The following SHISA9 variants were observed in gnomAD, a reference collection of about 807,000 sequenced individuals.
SHISA9 encodes protein shisa-9.
In SHISA9, 13 loss-of-function variants were observed where a neutral mutation model predicts 38.0. The ratio of observed to expected loss-of-function variants is 0.34; its 90% confidence interval spans 0.22 to 0.54. The LOEUF is 0.54. Ranked by LOEUF, SHISA9 falls within the 20% of genes least tolerant of loss-of-function variation. The probability of loss-of-function intolerance (pLI) is 0.91; values close to 1 mark genes in which losing one functional copy is unlikely to be tolerated. For missense variants in SHISA9, 538 were observed against 575.8 expected, an observed-to-expected ratio of 0.93 and a Z score of 0.67; for synonymous variants, 275 against 242.0, an observed-to-expected ratio of 1.14 and a Z score of -1.27.
At chr16:13,271,806 G>T in the SHISA9 span, among the ~76,000 whole-genome samples, 1 of 152,088 alleles carries the variant, frequency 6.6e-6, no homozygotes, top group Non-Finnish European at 1.5e-5. Context: ...TCTAGGCTGG[G>T]TGTGGTGGCT....
At chr16:13,232,680 A>G (rs1163437080) in intron 4 of SHISA9, among the ~76,000 whole-genome samples, 1 of 152,194 alleles carries the variant, frequency 6.6e-6, no homozygotes, top group Admixed American at 6.5e-5. Context: ...GAAAAATGGG[A>G]CAATTCGAAG....
chr16:13,080,670 T>C (rs767955115), intron 2 of SHISA9, among the ~76,000 whole-genome samples: 1 of 152,230 alleles, frequency 6.6e-6, no homozygotes, highest in African/African-American at 2.4e-5. Context: ...TTTACCAGAA[T>C]TCCTAGTGAA....
chr16:13,084,473 A>C (rs2073688799), intron 2 of SHISA9, among the ~76,000 whole-genome samples: 3 of 152,176 alleles, frequency 2.0e-5, no homozygotes, highest in Admixed American at 2.0e-4. Context: ...TTAGAGTGAG[A>C]ATGACAGACA....
intron 2 of SHISA9, among the ~76,000 whole-genome samples, chr16:13,187,328 C>CTTTTTTTTTTTTTTTTTTTTTTTTTTTT (rs372286181): frequency 1.1e-5 from 1 of 90,684 alleles, no homozygotes; most frequent in Non-Finnish European, 2.2e-5. Flanking sequence ...CTTTTCTTTT[C>CTTTTTTTTTTTTTTTTTTTTTTTTTTTT]TTTTTTTTTT....
intron 2 of SHISA9, among the ~76,000 whole-genome samples, chr16:13,156,693 C>T (rs2050550508): frequency 6.7e-6 from 1 of 148,610 alleles, no homozygotes; most frequent in Non-Finnish European, 1.5e-5. Flanking sequence ...GAGATCGCGC[C>T]ACTACACTCC....
At chr16:13,183,330 G>A (rs2050793374) in intron 2 of SHISA9, among the ~76,000 whole-genome samples, 1 of 152,260 alleles carries the variant, frequency 6.6e-6, no homozygotes, top group African/African-American at 2.4e-5. Flanking sequence ...CTTGAAAAGT[G>A]TTAACACTAT....
chr16:13,395,576 A>G, the SHISA9 span, among the ~76,000 whole-genome samples: 1 of 152,236 alleles, frequency 6.6e-6, no homozygotes, highest in Non-Finnish European at 1.5e-5. Context: ...CATAAATGGC[A>G]TTGCTATTTC....
intron 2 of SHISA9, among the ~76,000 whole-genome samples, chr16:13,186,346 G>A (rs1404395089): frequency 7.3e-6 from 1 of 137,794 alleles, no homozygotes; most frequent in Admixed American, 8.2e-5. Context: ...CACCCAGGCT[G>A]GAGTGCAGTG....
At chr16:13,469,369 G>GAA in the SHISA9 span, among the ~76,000 whole-genome samples, 343 of 66,248 alleles carry the variant, frequency 5.2e-3, no homozygotes, top group Admixed American at 9.8e-3. Context: ...AAAAGAAAAA[G>GAA]AAAGAAAGAA....
At chr16:13,295,035 C>G in the SHISA9 span, among the ~76,000 whole-genome samples, 1 of 152,056 alleles carries the variant, frequency 6.6e-6, no homozygotes. Flanking sequence ...ATTAAAAAAA[C>G]TGGGGAATAG....
chr16:13,125,114 A>T (rs1343682611), intron 2 of SHISA9, among the ~76,000 whole-genome samples: 1 of 152,226 alleles, frequency 6.6e-6, no homozygotes, highest in African/African-American at 2.4e-5. Flanking sequence ...AAATGGTCAA[A>T]TGGGATCCCA....
At chr16:13,412,988 A>G in the SHISA9 span, among the ~76,000 whole-genome samples, 1 of 152,304 alleles carries the variant, frequency 6.6e-6, no homozygotes, top group Admixed American at 6.5e-5. Context: ...TAAAGGAATG[A>G]ATGAATGAAT....
rs536343887 is a variant in SHISA9, at chr16:13,201,254, C to T, written c.692-2140C>T. 3.7e-5 allele frequency among the ~76,000 whole-genome samples: 5 copies of T among 134,610 alleles called. No homozygotes were observed. In the South Asian group the frequency reaches 1.1e-3, roughly 31 times the overall value. 88.3% of individuals were successfully genotyped at this position (134,610 alleles called of 152,430 possible). A position where few individuals can be genotyped will look rare whatever the true frequency, so the allele number is the denominator to read the frequency against. Reference sequence around the variant, plus strand: ...TTGGTTTCAGGACCCTCCAAGGATACCAATATCAACAGATGCTGAAGTCCC... The same window carrying T: ...TTGGTTTCAGGACCCTCCAAGGATATCAATATCAACAGATGCTGAAGTCCC... On this transcript the variant is annotated intron_variant, in intron 2 of 4. Transcript: ENST00000558583.
the SHISA9 span, among the ~76,000 whole-genome samples, chr16:13,530,553 C>A: frequency 6.6e-6 from 1 of 152,024 alleles, no homozygotes; most frequent in Admixed American, 6.6e-5. Context: ...GTAGCAATGA[C>A]AATAAGTATG....
At chr16:13,063,631 T>C (rs1045263184) in intron 2 of SHISA9, among the ~76,000 whole-genome samples, 1 of 152,178 alleles carries the variant, frequency 6.6e-6, no homozygotes, top group Non-Finnish European at 1.5e-5. Context: ...GATATTTCTA[T>C]TGATTGCGCA....
At chr16:13,498,668 A>G in the SHISA9 span, among the ~76,000 whole-genome samples, 2 of 152,168 alleles carry the variant, frequency 1.3e-5, no homozygotes, top group Non-Finnish European at 2.9e-5. Flanking sequence ...GAGGCAGTAG[A>G]ATCACTTGAA....
At chr16:13,452,905 G>A in the SHISA9 span, among the ~76,000 whole-genome samples, 1 of 151,398 alleles carries the variant, frequency 6.6e-6, no homozygotes, top group Non-Finnish European at 1.5e-5. Flanking sequence ...ACATTGTATA[G>A]CTTTTCTTTT....
At chr16:13,145,249 G>A (rs2141999567) in intron 2 of SHISA9, among the ~76,000 whole-genome samples, 1 of 152,330 alleles carries the variant, frequency 6.6e-6, no homozygotes, top group Non-Finnish European at 1.5e-5. Context: ...TGTGAGTTGG[G>A]CGTGGTGGCT....
At chr16:13,025,058 T>C (rs568310214) in intron 2 of SHISA9, among the ~76,000 whole-genome samples, 2 of 152,282 alleles carry the variant, frequency 1.3e-5, no homozygotes, top group South Asian at 2.1e-4. Context: ...CATAACATCA[T>C]TTCCTCTTGG....
Sources: allele counts gnomAD v4.1 joint callset (sites outside exome capture counted in the v4.1 genomes callset), GRCh38; gene constraint gnomAD v4.1.1; transcripts MANE v1.5; gene names NCBI Gene and HGNC (gene_info 2026-07-23, HGNC 2026-07-21).